MVB12B: variants seen among roughly 807,000 people sequenced by gnomAD.
MVB12B encodes the protein multivesicular body subunit 12B.
In MVB12B, 16 loss-of-function variants were observed where a neutral mutation model predicts 41.6. The ratio of observed to expected loss-of-function variants is 0.38; its 90% confidence interval spans 0.26 to 0.58. MVB12B has a LOEUF of 0.58. Ranked by LOEUF, MVB12B falls within the 20% of genes least tolerant of loss-of-function variation. MVB12B has a pLI of 0.62. For missense variants in MVB12B, 274 were observed against 380.2 expected (o/e 0.72, Z 2.32); for synonymous variants, 133 against 139.7 (o/e 0.95, Z 0.34).
At chr9:126,417,266 A>T (rs1026780411) in intron 6 of MVB12B, among the ~76,000 whole-genome samples, 1 of 152,254 alleles carries the variant, frequency 6.6e-6, no homozygotes, top group African/African-American at 2.4e-5. Flanking sequence ...AATTCAGCAG[A>T]TCCCTACTGA....
chr9:126,497,335 TAGGAAAAC>T (rs1193962854), intron 9 of MVB12B, among the ~76,000 whole-genome samples: 1 of 152,100 alleles, frequency 6.6e-6, no homozygotes, highest in Non-Finnish European at 1.5e-5. Flanking sequence ...GGCGGGCTGT[TAGGAAAAC>T]AGAAGTAGCT....
intron 9 of MVB12B, among the ~76,000 whole-genome samples, chr9:126,498,352 C>T (rs149127067): frequency 4.0e-4 from 61 of 152,326 alleles, no homozygotes; most frequent in Middle Eastern, 3.4e-3. Context: ...CAGGCCCATC[C>T]GCCTGCCCAA....
At chr9:126,335,520 C>A in intron 1 of MVB12B, 1 of 670,170 alleles carries the variant, frequency 1.5e-6, no homozygotes, top group South Asian at 1.5e-5. Context: ...CTTGCCTGTC[C>A]TTCTGTCCCT....
At chr9:126,348,522 A>C (rs533496785) in intron 2 of MVB12B, among the ~76,000 whole-genome samples, 1 of 152,314 alleles carries the variant, frequency 6.6e-6, no homozygotes, top group South Asian at 2.1e-4. Flanking sequence ...GCTAACCATG[A>C]ATTTTTCGTT....
rs192326254 is a variant in MVB12B, at chr9:126,354,018, G to T, written c.204+13388G>T. ...CTTGTCCATACCATTACCCTTTATT[G>T]TCAGTCTTTTTATTACTTTTCAAAA... On this transcript the variant is annotated intron_variant, in intron 2 of 9. Transcript: ENST00000361171. Among the ~76,000 whole-genome samples, 16 of 152,194 alleles carry T rather than the reference G, an allele frequency of 1.1e-4. No homozygotes were observed. The East Asian group carries it at 3.1e-3, about 29-fold the overall frequency.
Position 126,503,340 on chromosome 9 carries a change from C to A in MVB12B, c.*77C>A. 1 of 1,223,324 alleles carries A rather than the reference C, an allele frequency of 8.2e-7. No individual in the cohort carries two copies. Among genetic ancestry groups the A allele is most frequent in the Admixed American group, 2.1e-5 (1 of 46,594 alleles). 75.8% of individuals were successfully genotyped at this position (1,223,324 alleles called of 1,614,324 possible). ...CAGGGGCTGCTGCCCCCGCCTCCTC[C>A]TGCCGCCTCCGCCAGCCCTCCCTCC... On this transcript the variant is annotated 3_prime_UTR_variant, in exon 10 of 10. Coordinates refer to ENST00000361171, the MANE Select transcript of MVB12B (RefSeq NM_033446.3).
intron 1 of MVB12B, among the ~76,000 whole-genome samples, chr9:126,338,365 A>G (rs1321940260): frequency 2.6e-5 from 4 of 152,228 alleles, no homozygotes; most frequent in Non-Finnish European, 5.9e-5. Flanking sequence ...CTTCCAGGGC[A>G]TGGTGACCCT....
At position 126,436,105 on chromosome 9, in the gene MVB12B, AAG is replaced by A. The variant is rs1832471167; in HGVS notation, c.757+14161_757+14162del. Among the ~76,000 whole-genome samples the A allele has an allele frequency of 6.6e-6, 1 of 152,204 alleles. No individual in the cohort carries two copies. The highest frequency in any genetic ancestry group is 2.4e-5 in the African/African-American group (1 of 41,430). ...TAAAACAGGTAATTTTGGGGAAAAA[AAG>A]AGATGCTGTTTTTTGGATCACTGCA... is the stretch of plus-strand genomic sequence containing the variant. On this transcript the variant is annotated intron_variant, in intron 7 of 9. Transcript: ENST00000361171. This position sits in a 1 kb window ranked among gnomAD's most constrained non-coding sequence, Gnocchi z 4.1.
At chr9:126,429,937 C>T (rs1387231527) in intron 7 of MVB12B, among the ~76,000 whole-genome samples, 1 of 152,166 alleles carries the variant, frequency 6.6e-6, no homozygotes, top group African/African-American at 2.4e-5. Context: ...AGGATCAGTT[C>T]CCCAGCAGGT....
intron 4 of MVB12B, among the ~76,000 whole-genome samples, chr9:126,388,074 G>A (rs1326355371): frequency 6.6e-6 from 1 of 152,130 alleles, no homozygotes; most frequent in Non-Finnish European, 1.5e-5. Flanking sequence ...ACAGTTCAGT[G>A]GCTTTTAGTA....
At chr9:126,409,317 G>A (rs969182842) in intron 6 of MVB12B, among the ~76,000 whole-genome samples, 6 of 149,940 alleles carry the variant, frequency 4.0e-5, no homozygotes, top group African/African-American at 1.5e-4. Context: ...GTGTGTGTGT[G>A]TGTGTGTGTG....
chr9:126,453,736 C>T (rs1263344069), intron 7 of MVB12B, among the ~76,000 whole-genome samples: 1 of 152,254 alleles, frequency 6.6e-6, no homozygotes, highest in Non-Finnish European at 1.5e-5. Flanking sequence ...CGTGTACATA[C>T]ATACCGTGTG....
intron 7 of MVB12B, among the ~76,000 whole-genome samples, chr9:126,472,650 G>A (rs1833339649): frequency 6.6e-6 from 1 of 152,048 alleles, no homozygotes; most frequent in Non-Finnish European, 1.5e-5. Flanking sequence ...TTGTTTTCTG[G>A]TTTTTTTCTT....
rs1831314284 is a variant in MVB12B at position 126,403,126 on chromosome 9, A to G, written c.662+7429A>G. On this transcript the variant is annotated intron_variant, in intron 6 of 9. Coordinates refer to ENST00000361171, the MANE Select transcript of MVB12B (RefSeq NM_033446.3). ...ACCTTAAAGTCTGTGGTGACCTGAT[A>G]ACTGCACTGGGGTTTTCAGACACAC... 2.6e-5 allele frequency among the ~76,000 whole-genome samples: 4 copies of G among 152,200 alleles called. 1 individual carries two copies. The South Asian group carries it at 8.3e-4, about 31-fold the overall frequency.
chr9:126,374,768 A>G (rs1341179854), intron 2 of MVB12B, among the ~76,000 whole-genome samples: 2 of 152,232 alleles, frequency 1.3e-5, no homozygotes, highest in African/African-American at 4.8e-5. Context: ...GAGTGAGATT[A>G]TGTTGCATTG....
chr9:126,347,050 G>A (rs901687498), intron 2 of MVB12B, among the ~76,000 whole-genome samples: 2 of 151,290 alleles, frequency 1.3e-5, no homozygotes, highest in African/African-American at 4.9e-5. Context: ...CCAGCTAGAG[G>A]ATGCCATGAC....
At chr9:126,374,234 A>G (rs1240734240) in intron 2 of MVB12B, among the ~76,000 whole-genome samples, 4 of 152,248 alleles carry the variant, frequency 2.6e-5, no homozygotes, top group Admixed American at 6.5e-5. Context: ...TCCCTTTAAT[A>G]TGACAACTTT....
intron 6 of MVB12B, among the ~76,000 whole-genome samples, chr9:126,419,391 G>A (rs928950717): frequency 2.6e-5 from 4 of 152,188 alleles, no homozygotes; most frequent in African/African-American, 9.7e-5. Context: ...ATGCTCTGCT[G>A]TTGCCATCTT....
chr9:126,380,665 G>T (rs563631023), intron 2 of MVB12B, among the ~76,000 whole-genome samples: 1 of 152,134 alleles, frequency 6.6e-6, no homozygotes, highest in Non-Finnish European at 1.5e-5. Flanking sequence ...CACCCTCGCC[G>T]CAGGCAGCGC....
Sources: gnomAD v4.1 joint callset for allele counts (sites outside exome capture counted in the v4.1 genomes callset) on GRCh38, gnomAD v4.1.1 for gene constraint, Gnocchi (gnomAD v3.1) non-coding constraint, MANE v1.5 for transcripts, NCBI Gene and HGNC (gene_info 2026-07-23, HGNC 2026-07-21) for gene names.